DIP2C: variants seen among roughly 807,000 people sequenced by gnomAD.
The protein encoded by DIP2C is DIP2 acetate--CoA ligase C (putative).
In DIP2C, 33 loss-of-function variants were observed where a neutral mutation model predicts 192.4. That is an observed-to-expected ratio of 0.17 (90% confidence interval 0.13 to 0.23). The LOEUF is 0.23. DIP2C is among the 10% of genes least tolerant of loss of function. DIP2C has a pLI of 1.00. For missense variants in DIP2C, 1,537 were observed against 2,110.1 expected, an observed-to-expected ratio of 0.73 and a Z score of 5.32; for synonymous variants, 979 against 864.1, an observed-to-expected ratio of 1.13 and a Z score of -2.33.
At chr10:550,048 C>T (rs1356319291) in intron 1 of DIP2C, among the ~76,000 whole-genome samples, 1 of 146,876 alleles carries the variant, frequency 6.8e-6, no homozygotes, top group Non-Finnish European at 1.5e-5. Context: ...CTCCCTCTGT[C>T]GCCCAGGCTG....
At chr10:571,113 G>C (rs1849771073) in intron 1 of DIP2C, among the ~76,000 whole-genome samples, 3 of 152,368 alleles carry the variant, frequency 2.0e-5, no homozygotes, top group South Asian at 2.1e-4. Context: ...CTGTAGAATG[G>C]AGACATGTGA....
rs1321643506 is a variant in DIP2C, at chr10:401,578, C to G, written c.1150-2359G>C. On this transcript the variant is annotated intron_variant, in intron 9 of 36. Transcript: ENST00000280886. The stretch of plus-strand genomic sequence containing the variant: ...GTACATTTTCATCAGCACATGAATC[C>G]TATTTTACATGTGTGGTAGCATTAG... 0.014 allele frequency among the ~76,000 whole-genome samples: 44 copies of G among 3,220 alleles called. 20 individuals carry two copies. In the Non-Finnish European group the frequency reaches 0.3, roughly 22 times the overall value. 2.1% of individuals were successfully genotyped at this position (3,220 alleles called of 152,430 possible). A position where few individuals can be genotyped will look rare whatever the true frequency, so the allele number is the denominator to read the frequency against.
At chr10:559,525 A>G (rs1238852812) in intron 1 of DIP2C, among the ~76,000 whole-genome samples, 1 of 152,152 alleles carries the variant, frequency 6.6e-6, no homozygotes, top group Non-Finnish European at 1.5e-5. Flanking sequence ...ATCAACAACT[A>G]TATATGGCTG....
intron 1 of DIP2C, among the ~76,000 whole-genome samples, chr10:524,059 C>G (rs1232334511): frequency 1.3e-5 from 2 of 151,996 alleles, no homozygotes; most frequent in Non-Finnish European, 2.9e-5. Context: ...GGTTCCACCT[C>G]CCGCCCTCAG....
intron 4 of DIP2C, among the ~76,000 whole-genome samples, 186 bp downstream of exon 4, chr10:440,685 G>A (rs1243770119): frequency 1.3e-5 from 2 of 152,202 alleles, no homozygotes; most frequent in African/African-American, 2.4e-5. Context: ...TTTTTATACA[G>A]ATACATAATA....
chr10:531,230 C>T (rs1847352162), intron 1 of DIP2C, among the ~76,000 whole-genome samples: 1 of 152,154 alleles, frequency 6.6e-6, no homozygotes. Flanking sequence ...TTCAGACATT[C>T]CACAATCCCG....
Position 288,387 on chromosome 10 carries a change from G to C in DIP2C, c.4021C>G (p.Leu1341Val). 6.2e-7 allele frequency: 1 copy of C among 1,613,996 alleles called. No individual in the cohort carries two copies. Among genetic ancestry groups the C allele is most frequent in the Non-Finnish European group, 8.5e-7 (1 of 1,179,944 alleles). ...RLVERGSPHS[L>V]PLMESGKILP... is the part of the protein sequence containing the mutation. ...ACCTTTCCCGATTCCATCAGGGGCA[G>C]ACTATGAGGGGATCCTCTTTCCACT... The change falls in exon 33 of 37, where the codon CTG (leucine) becomes GTG (valine). Residue 1341 changes from leucine (L) to valine (V), a missense_variant. Transcript: ENST00000280886.
chr10:325,109 C>CA (rs1192335603), intron 31 of DIP2C: 3 of 362,228 alleles, frequency 8.3e-6, no homozygotes, highest in Non-Finnish European at 1.6e-5. Flanking sequence ...ACTAAAAATA[C>CA]AAAAAATTAG....
chr10:439,043 G>T (rs4881308), intron 4 of DIP2C, among the ~76,000 whole-genome samples: 64,109 of 151,966 alleles, frequency 0.42, 15,129 homozygotes, highest in East Asian at 0.63. Context: ...GGTACATTTT[G>T]CCATGTTTTC....
chr10:487,604 G>GTC (rs551444362), intron 1 of DIP2C, among the ~76,000 whole-genome samples: 6 of 107,296 alleles, frequency 5.6e-5, no homozygotes, highest in South Asian at 6.6e-4. Context: ...TTTTGAGACA[G>GTC]TCTCTCTCTG....
At chr10:629,375 C>T (rs957581575) in intron 1 of DIP2C, among the ~76,000 whole-genome samples, 4 of 152,150 alleles carry the variant, frequency 2.6e-5, no homozygotes, top group Non-Finnish European at 5.9e-5. Flanking sequence ...AGGCAGGGAT[C>T]GGAGCCCCCT....
chr10:543,559 A>G (rs973833653), intron 1 of DIP2C, among the ~76,000 whole-genome samples: 1 of 152,228 alleles, frequency 6.6e-6, no homozygotes, highest in Non-Finnish European at 1.5e-5. Flanking sequence ...TGAGATAGAA[A>G]TCAGTAAGAT....
intron 10 of DIP2C, among the ~76,000 whole-genome samples, chr10:392,630 G>C (rs1298413294): frequency 6.6e-6 from 1 of 152,164 alleles, no homozygotes; most frequent in Non-Finnish European, 1.5e-5. Flanking sequence ...AGTGTGCTCA[G>C]AACAGCACTT....
At chr10:283,501 T>C in intron 34 of DIP2C, 55 bp from the exon 35 acceptor site, 1 of 1,592,316 alleles carries the variant, frequency 6.3e-7, no homozygotes, top group Non-Finnish European at 8.6e-7. Flanking sequence ...TCCAGGGAAA[T>C]GAGACTACAA....
At chr10:391,585 G>T (rs139470440) in intron 10 of DIP2C, among the ~76,000 whole-genome samples, 1 of 152,240 alleles carries the variant, frequency 6.6e-6, no homozygotes, top group Non-Finnish European at 1.5e-5. Flanking sequence ...CAAGGCACTC[G>T]CATCACTCTC....
At chr10:556,473 C>A (rs1000586375) in intron 1 of DIP2C, among the ~76,000 whole-genome samples, 1 of 148,780 alleles carries the variant, frequency 6.7e-6, no homozygotes, top group Non-Finnish European at 1.5e-5. Context: ...GGGATCCACA[C>A]GCCCTGGCAG....
At chr10:463,654 A>G (rs1280214682) in intron 3 of DIP2C, among the ~76,000 whole-genome samples, 1 of 152,240 alleles carries the variant, frequency 6.6e-6, no homozygotes, top group Admixed American at 6.5e-5. Flanking sequence ...TAAATTTCAT[A>G]TGGAACCAAA....
At chr10:671,885 A>G (rs1830662922) in intron 1 of DIP2C, among the ~76,000 whole-genome samples, 1 of 145,288 alleles carries the variant, frequency 6.9e-6, no homozygotes, top group African/African-American at 2.6e-5. Flanking sequence ...GAAACAGGCC[A>G]TAGACACACG....
intron 8 of DIP2C, among the ~76,000 whole-genome samples, chr10:412,536 C>T (rs769849086): frequency 6.6e-6 from 1 of 152,192 alleles, no homozygotes; most frequent in Non-Finnish European, 1.5e-5. Flanking sequence ...ATGCCACACA[C>T]TGTCCATTTA....
Sources: gnomAD v4.1 joint callset for allele counts (sites outside exome capture counted in the v4.1 genomes callset) on GRCh38, gnomAD v4.1.1 for gene constraint, MANE v1.5 for transcripts, NCBI Gene and HGNC (gene_info 2026-07-23, HGNC 2026-07-21) for gene names.